The following RGS3 variants were observed in gnomAD, a reference collection of about 807,000 sequenced individuals.
RGS3 encodes the protein regulator of G protein signaling 3, also known as regulator of G-protein signalling 3.
A neutral mutation model predicts 132.6 loss-of-function variants in RGS3; 80 were observed. That is an observed-to-expected ratio of 0.60 (90% CI 0.50 to 0.73). The LOEUF is 0.73. RGS3 is among the 30% of genes least tolerant of loss of function. The pLI is 0.00. For synonymous variants in RGS3, 598 were observed against 620.6 expected, an observed-to-expected ratio of 0.96 and a Z score of 0.54; for missense variants, 1,382 against 1,530.8, an observed-to-expected ratio of 0.90 and a Z score of 1.62.
chr9:113,536,433 C>T (rs771923945), intron 18 of RGS3: 6 of 985,706 alleles, frequency 6.1e-6, no homozygotes, highest in Non-Finnish European at 7.3e-6. Flanking sequence ...AGCCTGAGGC[C>T]CTGGCCCTCT....
At chr9:113,491,981 G>A (rs1830535714) in intron 7 of RGS3, among the ~76,000 whole-genome samples, 1 of 152,202 alleles carries the variant, frequency 6.6e-6, no homozygotes, top group Non-Finnish European at 1.5e-5. Context: ...AGATCTCAGT[G>A]CCAAGTACAG....
exon 19 of RGS3, chr9:113,536,901 T>C: frequency 6.2e-7 from 1 of 1,614,096 alleles, no homozygotes; most frequent in Non-Finnish European, 8.5e-7. Context: ...GCTGGCAGCA[T>C]CACCCCCGGA....
Position 113,528,969 on chromosome 9 carries a change from C to T in RGS3, c.1871-252C>T, listed in dbSNP as rs1273584638. Among the ~76,000 whole-genome samples the T allele has an allele frequency of 2.0e-5, 3 of 152,360 alleles. No homozygotes were observed. The East Asian group carries it at 5.8e-4, about 29-fold the overall frequency. On this transcript the variant is annotated intron_variant, in intron 17 of 24. Coordinates refer to ENST00000350696, the Ensembl canonical transcript of RGS3. ...CAGAGGGTGCTGCTGGCTACCTCTC[C>T]TGGGGATGAGGTTTCAGCATTCCTT...
At chr9:113,449,414 C>A (rs180815097) in intron 1 of RGS3, among the ~76,000 whole-genome samples, 1 of 152,278 alleles carries the variant, frequency 6.6e-6, no homozygotes, top group Non-Finnish European at 1.5e-5. Flanking sequence ...CAAACCTTTA[C>A]AATGAAATTG....
intron 5 of RGS3, among the ~76,000 whole-genome samples, 183 bp from the exon 4 acceptor site, chr9:113,483,955 A>G (rs577546198): frequency 2.0e-5 from 3 of 152,076 alleles, no homozygotes; most frequent in Admixed American, 6.5e-5. Flanking sequence ...TCTGCCTCCA[A>G]TGTCTCTTGC....
chr9:113,530,440 G>A (rs1832415125), intron 18 of RGS3, among the ~76,000 whole-genome samples: 1 of 152,210 alleles, frequency 6.6e-6, no homozygotes, highest in South Asian at 2.1e-4. Context: ...ACATTCCCCC[G>A]GAGCACAGGA....
chr9:113,494,349 A>T (rs1830617573), intron 7 of RGS3, among the ~76,000 whole-genome samples: 1 of 152,218 alleles, frequency 6.6e-6, no homozygotes, highest in Non-Finnish European at 1.5e-5. Flanking sequence ...TGTCTTTCTC[A>T]TTAAACTCAC....
chr9:113,456,493 C>T (rs1829364631), upstream of RGS3, among the ~76,000 whole-genome samples: 1 of 152,218 alleles, frequency 6.6e-6, no homozygotes, highest in Non-Finnish European at 1.5e-5. Flanking sequence ...TCTACTCAAT[C>T]ACCATGGCCT....
At chr9:113,501,731 C>T in intron 10 of RGS3, 1 of 1,237,442 alleles carries the variant, frequency 8.1e-7, no homozygotes, top group Non-Finnish European at 1.1e-6. Flanking sequence ...TCTTCTTTGA[C>T]CTTTCCTGCT....
At chr9:113,453,228 C>A in intron 1 of RGS3, among the ~76,000 whole-genome samples, 1 of 96,630 alleles carries the variant, frequency 1.0e-5, no homozygotes, top group Non-Finnish European at 1.9e-5. Flanking sequence ...ACATAATATA[C>A]TCATTATATG....
chr9:113,524,793 C>T (rs995263914), intron 17 of RGS3, among the ~76,000 whole-genome samples: 6 of 152,232 alleles, frequency 3.9e-5, no homozygotes, highest in Non-Finnish European at 5.9e-5. Context: ...CCTATATTAT[C>T]CTGCCTCTAC....
intron 14 of RGS3, among the ~76,000 whole-genome samples, chr9:113,512,116 A>C (rs1343436482): frequency 6.6e-6 from 1 of 152,172 alleles, no homozygotes; most frequent in African/African-American, 2.4e-5. Flanking sequence ...CAAAGTGGAG[A>C]AAACTTTGAT....
At chr9:113,494,195 A>C (rs1292491883) in intron 7 of RGS3, among the ~76,000 whole-genome samples, 1 of 152,166 alleles carries the variant, frequency 6.6e-6, no homozygotes, top group African/African-American at 2.4e-5. Context: ...AAGTCCTTAA[A>C]AGTATATTGA....
chr9:113,464,904 C>T (rs1422885472), intron 3 of RGS3, among the ~76,000 whole-genome samples: 1 of 152,188 alleles, frequency 6.6e-6, no homozygotes, highest in East Asian at 1.9e-4. Context: ...TTTGGTTTTC[C>T]ACAACCTGCT....
intron 4 of RGS3, 38 bp downstream of exon 2, chr9:113,479,579 C>CG: frequency 2.5e-6 from 4 of 1,605,460 alleles, no homozygotes; most frequent in Non-Finnish European, 3.4e-6. Context: ...AAGGAAGGGG[C>CG]GGGCCACTCA....
chr9:113,508,589 C>A lies in RGS3; in HGVS notation c.1477+9C>A, dbSNP rs531914407. ...GGATACCATCCCCGAAGGTGAGTCT[C>A]CTGCTGCTGCTGTGCCCTCCTAGCT... On this transcript the variant is annotated intron_variant, in intron 14 of 24. Transcript: ENST00000350696. 3.3e-5 allele frequency: 53 copies of A among 1,611,616 alleles called. No homozygotes were observed. Among genetic ancestry groups the A allele is most frequent in the Non-Finnish European group, 4.1e-5 (48 of 1,179,972 alleles).
intron 20 of RGS3, chr9:113,589,176 A>G (rs1003807079): frequency 1.1e-4 from 16 of 152,260 alleles, no homozygotes; most frequent in African/African-American, 3.1e-4. Flanking sequence ...ATCCCTTTGG[A>G]GGGCCTTTGC....
intron 14 of RGS3, among the ~76,000 whole-genome samples, chr9:113,512,954 T>C (rs967101684): frequency 5.3e-5 from 8 of 152,216 alleles, no homozygotes; most frequent in Admixed American, 5.2e-4. Flanking sequence ...CCCAGCACTT[T>C]GGGAGGCTGA....
rs985838556 is a variant in RGS3 at position 113,498,212 on chromosome 9, A to G, written c.897+132A>G. On this transcript the variant is annotated intron_variant, in intron 10 of 24. Transcript: ENST00000350696. ...AGCAAGTCATGTACTCAGAAGGAATAATTTCTTGATTTTCCTGAGGTGTAT... is the reference window on the plus strand; with the variant it reads ...AGCAAGTCATGTACTCAGAAGGAATGATTTCTTGATTTTCCTGAGGTGTAT... 1.3e-5 allele frequency: 9 copies of G among 719,590 alleles called. No homozygotes were observed. The African/African-American group carries it at 1.6e-4, about 13-fold the overall frequency. The allele number at this position is 719,590 out of a possible 1,614,324, so 44.6% of individuals were successfully genotyped here.
Sources: allele counts gnomAD v4.1 joint callset (sites outside exome capture counted in the v4.1 genomes callset), GRCh38; gene constraint gnomAD v4.1.1; transcripts MANE v1.5; gene names NCBI Gene and HGNC (gene_info 2026-07-23, HGNC 2026-07-21).